Variants in SEC23A observed in about 807,000 individuals in gnomAD.
SEC23A encodes the protein protein transport protein Sec23A.
A neutral mutation model predicts 103.7 loss-of-function variants in SEC23A; 56 were observed. The ratio of observed to expected loss-of-function variants is 0.54; its 90% CI spans 0.44 to 0.67. The LOEUF is 0.67. SEC23A is among the 30% of genes least tolerant of loss of function. The pLI, the probability that SEC23A is intolerant of heterozygous loss-of-function variation, is 0.00. For synonymous variants in SEC23A, 281 were observed against 293.0 expected (o/e 0.96, Z 0.42); for missense variants, 784 against 936.4 (o/e 0.84, Z 2.12).
At position 39,041,657 on chromosome 14, in the gene SEC23A, G is replaced by T. The variant is rs886546555; in HGVS notation, c.1987-770C>A. Among the ~76,000 whole-genome samples, 113 of 152,070 alleles carry T rather than the reference G, an allele frequency of 7.4e-4. 2 individuals are homozygous for T. Among genetic ancestry groups the T allele is most frequent in the African/African-American group, 2.6e-3 (109 of 41,526 alleles). On this transcript the variant is annotated intron_variant, in intron 17 of 19. Coordinates refer to ENST00000307712, the MANE Select transcript of SEC23A (RefSeq NM_006364.4). ...AGCCAACACGGGCGGATCACCCGAG[G>T]TCAGGAGTTCGAGACCAGCCTGGCC...
intron 2 of SEC23A, 86 bp from the exon 3 acceptor site, chr14:39,093,330 T>C: frequency 9.1e-7 from 1 of 1,100,708 alleles, no homozygotes. Flanking sequence ...ATTAATTTCT[T>C]CCTAAAACAT....
At chr14:39,071,314 G>A (rs1174083322) in intron 9 of SEC23A, among the ~76,000 whole-genome samples, 2 of 152,100 alleles carry the variant, frequency 1.3e-5, no homozygotes, top group Non-Finnish European at 2.9e-5. Context: ...AAAATCAATT[G>A]TTGGACGGGC....
intron 5 of SEC23A, chr14:39,091,131 G>C (rs1887647262): frequency 2.7e-6 from 1 of 371,328 alleles, no homozygotes; most frequent in Non-Finnish European, 5.0e-6. Flanking sequence ...CAATAAAAAA[G>C]CTGAACTCTT....
At chr14:39,046,871 A>C (rs1885857215) in intron 15 of SEC23A, among the ~76,000 whole-genome samples, 1 of 152,038 alleles carries the variant, frequency 6.6e-6, no homozygotes, top group South Asian at 2.1e-4. Flanking sequence ...AATTCCTCCA[A>C]CCCTCAGGTC....
At chr14:39,084,294 G>A (rs929133072) in intron 7 of SEC23A, among the ~76,000 whole-genome samples, 5 of 152,004 alleles carry the variant, frequency 3.3e-5, no homozygotes. Context: ...CCAAAGTGCT[G>A]GGATTACAGG....
chr14:39,101,393 G>T (rs1250140342), intron 1 of SEC23A, among the ~76,000 whole-genome samples: 2 of 151,840 alleles, frequency 1.3e-5, no homozygotes, highest in African/African-American at 4.8e-5. Context: ...GCCGAGGAGG[G>T]TGGATCATGA....
chr14:39,100,494 A>C (rs1464843342), intron 1 of SEC23A, among the ~76,000 whole-genome samples: 2 of 150,106 alleles, frequency 1.3e-5, no homozygotes, highest in Non-Finnish European at 3.0e-5. Context: ...CTCACCGCAA[A>C]CTCCTCCTCC....
At chr14:39,056,675 C>G (rs1409489338) in intron 13 of SEC23A, among the ~76,000 whole-genome samples, 1 of 151,988 alleles carries the variant, frequency 6.6e-6, no homozygotes, top group Non-Finnish European at 1.5e-5. Context: ...GTAGCCCAGG[C>G]TGGTCTTGAA....
intron 2 of SEC23A, among the ~76,000 whole-genome samples, chr14:39,094,393 CACACATATATATATATATATATATAT>C (rs1311767326): frequency 1.3e-4 from 3 of 23,952 alleles, no homozygotes; most frequent in South Asian, 1.7e-3. Flanking sequence ...CACACACACA[CACACATATATATATATATATATATAT>C]ATATATATAT....
chr14:39,063,672 T>C (rs1037923682), intron 11 of SEC23A, among the ~76,000 whole-genome samples: 1 of 152,210 alleles, frequency 6.6e-6, no homozygotes, highest in Non-Finnish European at 1.5e-5. Flanking sequence ...AAAGTATTAA[T>C]ATAAGTTCTT....
intron 2 of SEC23A, among the ~76,000 whole-genome samples, chr14:39,095,682 T>C (rs1459958715): frequency 6.6e-6 from 1 of 152,152 alleles, no homozygotes; most frequent in Non-Finnish European, 1.5e-5. Flanking sequence ...CTAACAGTTT[T>C]TATAGTGCCA....
At chr14:39,065,134 A>G in intron 10 of SEC23A, 141 bp from the exon 11 acceptor site, 2 of 695,104 alleles carry the variant, frequency 2.9e-6, no homozygotes, top group Non-Finnish European at 5.2e-6. Context: ...AAAATAATCA[A>G]TCAATAAGCA....
At position 39,048,583 on chromosome 14, in the gene SEC23A, T is replaced by C. The variant is rs146486602; in HGVS notation, c.1737+69A>G. 2.2e-3 allele frequency: 2,116 copies of C among 969,084 alleles called. 32 individuals carry two copies. The African/African-American group carries it at 0.03, about 14-fold the overall frequency. 60.0% of individuals were successfully genotyped at this position (969,084 alleles called of 1,614,324 possible). A position where few individuals can be genotyped will look rare whatever the true frequency, so the allele number is the denominator to read the frequency against. Reference sequence around the variant, plus strand: ...CCACTATACTTCAGCATGGATGACATAGGGAGAGCCTGTCTCTAAAAAAGG... The same window carrying C: ...CCACTATACTTCAGCATGGATGACACAGGGAGAGCCTGTCTCTAAAAAAGG... On this transcript the variant is annotated intron_variant, in intron 15 of 19. Coordinates refer to ENST00000307712, the MANE Select transcript of SEC23A (RefSeq NM_006364.4).
chr14:39,072,839 C>T (rs748198127), intron 9 of SEC23A, among the ~76,000 whole-genome samples: 4 of 151,986 alleles, frequency 2.6e-5, no homozygotes, highest in East Asian at 3.9e-4. Flanking sequence ...ATACAGACAA[C>T]GACAAGTGCT....
chr14:39,090,941 AT>A (rs1887641752), intron 5 of SEC23A: 1 of 324,610 alleles, frequency 3.1e-6, no homozygotes, highest in Non-Finnish European at 5.9e-6. Flanking sequence ...TTCATCTGCA[AT>A]GTAGGGGCTG....
Position 39,093,227 on chromosome 14 carries a change from G to T in SEC23A, c.239C>A (p.Ala80Glu). Reference protein sequence around the residue: ...LNPLCQVDYRAKLWACNFCYQ... With the variant: ...LNPLCQVDYREKLWACNFCYQ... ...ACAAAAGTTGCAAGCCCAAAGTTTTGCTCGATAATCCACTTGACTGTTTTA... is the reference window on the plus strand; with the variant it reads ...ACAAAAGTTGCAAGCCCAAAGTTTTTCTCGATAATCCACTTGACTGTTTTA... The change falls in exon 3 of 20, where the codon GCA (alanine) becomes GAA (glutamate). Residue 80 changes from alanine (A) to glutamate (E), a missense_variant. By Grantham distance (107) the Ala-to-Glu change is moderately radical. Transcript: ENST00000307712. 6.2e-7 allele frequency: 1 copy of T among 1,611,258 alleles called. No homozygotes were observed.
intron 18 of SEC23A, chr14:39,040,394 A>T: frequency 4.4e-6 from 1 of 229,382 alleles, no homozygotes; most frequent in South Asian, 8.4e-5. Context: ...AACAGTAAAT[A>T]AACGGCTTTA....
chr14:39,076,185 A>T (rs1887011412), intron 7 of SEC23A, 92 bp from the exon 8 acceptor site: 1 of 972,422 alleles, frequency 1.0e-6, no homozygotes, highest in African/African-American at 1.6e-5. Context: ...AATAAGAGAA[A>T]AGCATATATT....
At chr14:39,070,954 G>T (rs1053557590) in intron 9 of SEC23A, among the ~76,000 whole-genome samples, 7 of 152,148 alleles carry the variant, frequency 4.6e-5, no homozygotes, top group Admixed American at 2.0e-4. Context: ...TTGAACCCAG[G>T]GGGCGGAGGT....
Sources: allele counts gnomAD v4.1 joint callset (sites outside exome capture counted in the v4.1 genomes callset), GRCh38; gene constraint gnomAD v4.1.1; transcripts MANE v1.5; gene names NCBI Gene and HGNC (gene_info 2026-07-23, HGNC 2026-07-21).